Variants in PLEKHA5 observed in about 807,000 individuals in gnomAD.
The protein encoded by PLEKHA5 is pleckstrin homology domain containing A5.
In PLEKHA5, 55 loss-of-function variants were observed where a neutral mutation model predicts 181.9. The ratio of observed to expected loss-of-function variants is 0.30; its 90% CI spans 0.24 to 0.38. The LOEUF (loss-of-function observed/expected upper bound fraction) is 0.38. PLEKHA5 is among the 10% of genes least tolerant of loss of function. The probability of loss-of-function intolerance (pLI) is 1.00; values close to 1 mark genes in which losing one functional copy is unlikely to be tolerated. For missense variants in PLEKHA5, 1,432 were observed against 1,549.5 expected (o/e 0.92, Z 1.27); for synonymous variants, 535 against 529.4 (o/e 1.01, Z -0.15).
At chr12:19,312,958 C>G (rs1158117248) in intron 15 of PLEKHA5, among the ~76,000 whole-genome samples, 2 of 152,070 alleles carry the variant, frequency 1.3e-5, no homozygotes, top group African/African-American at 4.8e-5. Context: ...CTGTTAGAAG[C>G]CATTGTAGGG....
At chr12:19,318,564 CTG>C (rs1317241189) in intron 16 of PLEKHA5, among the ~76,000 whole-genome samples, 1 of 152,162 alleles carries the variant, frequency 6.6e-6, no homozygotes, top group Non-Finnish European at 1.5e-5. Flanking sequence ...AGATGAAACA[CTG>C]TCTGCTAGTT....
At chr12:19,281,775 T>TTGG (rs1254571742) in intron 11 of PLEKHA5, among the ~76,000 whole-genome samples, 119 of 151,496 alleles carry the variant, frequency 7.9e-4, no homozygotes, top group African/African-American at 2.8e-3. Context: ...GTTTTTGTTG[T>TTGG]TGTTGTTGTT....
At chr12:19,290,874 C>T in intron 14 of PLEKHA5, 78 bp downstream of exon 14, 1 of 1,318,852 alleles carries the variant, frequency 7.6e-7, no homozygotes, top group South Asian at 1.4e-5. Flanking sequence ...ATATGATCAG[C>T]ATCATTAGTG....
At chr12:19,192,420 T>C (rs1031079831) in intron 3 of PLEKHA5, among the ~76,000 whole-genome samples, 1 of 152,140 alleles carries the variant, frequency 6.6e-6, no homozygotes, top group African/African-American at 2.4e-5. Flanking sequence ...ACTCTTGGCC[T>C]GGCACAGTGG....
At chr12:19,219,956 A>G (rs2058670203) in intron 3 of PLEKHA5, among the ~76,000 whole-genome samples, 1 of 152,198 alleles carries the variant, frequency 6.6e-6, no homozygotes, top group African/African-American at 2.4e-5. Context: ...TTCACACAAA[A>G]GATGAGTTGA....
intron 3 of PLEKHA5, among the ~76,000 whole-genome samples, chr12:19,199,150 T>TAAAA (rs2053627527): frequency 6.6e-6 from 1 of 152,192 alleles, no homozygotes; most frequent in Non-Finnish European, 1.5e-5. Context: ...ACAATTCTTT[T>TAAAA]TTGTAAGACA....
At chr12:19,220,370 C>A (rs1021075406) in intron 3 of PLEKHA5, among the ~76,000 whole-genome samples, 1 of 151,998 alleles carries the variant, frequency 6.6e-6, no homozygotes, top group East Asian at 1.9e-4. Flanking sequence ...AGTTAACTGA[C>A]GTCATCTAGC....
intron 22 of PLEKHA5, among the ~76,000 whole-genome samples, chr12:19,343,979 GA>G (rs2094138843): frequency 6.6e-6 from 1 of 152,068 alleles, no homozygotes; most frequent in South Asian, 2.1e-4. Context: ...TTGAACCCGG[GA>G]GGTGGAGGTT....
chr12:19,223,520 AC>A (rs2059284361), intron 3 of PLEKHA5, among the ~76,000 whole-genome samples: 2 of 152,040 alleles, frequency 1.3e-5, no homozygotes, highest in Non-Finnish European at 2.9e-5. Context: ...TAAATTACTC[AC>A]TTTTTCTTTG....
intron 31 of PLEKHA5, chr12:19,373,084 T>A (rs2095624741): frequency 6.6e-6 from 1 of 152,182 alleles, no homozygotes. Flanking sequence ...AAACTTTTAA[T>A]TTAATATGTT....
At chr12:19,288,432 C>T (rs1429887443) in intron 13 of PLEKHA5, among the ~76,000 whole-genome samples, 1 of 152,108 alleles carries the variant, frequency 6.6e-6, no homozygotes, top group African/African-American at 2.4e-5. Context: ...GATGACTTTT[C>T]CTCACTTCAG....
At chr12:19,340,429 G>A (rs2093786765) in intron 21 of PLEKHA5, among the ~76,000 whole-genome samples, 1 of 120,820 alleles carries the variant, frequency 8.3e-6, no homozygotes, top group Non-Finnish European at 2.0e-5. Flanking sequence ...CCTCTGCCCG[G>A]CCACCACCCC....
intron 3 of PLEKHA5, chr12:19,207,792 AAT>A (rs1453195555): frequency 1.3e-5 from 2 of 152,166 alleles, no homozygotes; most frequent in Non-Finnish European, 2.9e-5. Context: ...TCTATATTAA[AAT>A]ATCTGGATAA....
At chr12:19,219,951 A>G (rs989566821) in intron 3 of PLEKHA5, among the ~76,000 whole-genome samples, 23 of 152,176 alleles carry the variant, frequency 1.5e-4, no homozygotes, top group African/African-American at 5.5e-4. Context: ...ACAATTTCAC[A>G]CAAAAGATGA....
chr12:19,248,875 TATA>T, intron 3 of PLEKHA5, among the ~76,000 whole-genome samples: 1 of 152,230 alleles, frequency 6.6e-6, no homozygotes, highest in Non-Finnish European at 1.5e-5. Context: ...CAAATACTAA[TATA>T]ATGATGACAT....
chr12:19,277,503 A>C (rs1387888360), intron 11 of PLEKHA5, among the ~76,000 whole-genome samples: 2 of 152,178 alleles, frequency 1.3e-5, no homozygotes, highest in Admixed American at 1.3e-4. Flanking sequence ...ATTTTGAGCT[A>C]AGATTTTCTC....
intron 22 of PLEKHA5, 59 bp from the exon 23 acceptor site, chr12:19,345,783 C>A: frequency 2.4e-6 from 2 of 833,218 alleles, no homozygotes; most frequent in East Asian, 2.8e-5. Context: ...AGAAATTGTT[C>A]TTTTTTTATA....
chr12:19,317,153 G>A (rs1053451876), intron 16 of PLEKHA5, among the ~76,000 whole-genome samples: 1 of 152,088 alleles, frequency 6.6e-6, no homozygotes, highest in Non-Finnish European at 1.5e-5. Flanking sequence ...GATCGCTTGA[G>A]GCCAGGAGTT....
chr12:19,246,905 T>C (rs369539717), intron 3 of PLEKHA5, among the ~76,000 whole-genome samples: 9 of 152,298 alleles, frequency 5.9e-5, no homozygotes, highest in African/African-American at 2.2e-4. Context: ...GCCCCTCACT[T>C]TTATGGGCTT....
Sources: gnomAD v4.1 joint callset for allele counts (sites outside exome capture counted in the v4.1 genomes callset) on GRCh38, gnomAD v4.1.1 for gene constraint, MANE v1.5 for transcripts, NCBI Gene and HGNC (gene_info 2026-07-23, HGNC 2026-07-21) for gene names.